Variants in OPRM1 observed in about 807,000 individuals in gnomAD.
OPRM1 encodes the protein opioid receptor mu 1, also known as mu-type opioid receptor.
In OPRM1, 27 loss-of-function variants were observed where a neutral mutation model predicts 31.8. That is an observed-to-expected ratio of 0.85 (90% CI 0.63 to 1.17). OPRM1 has a LOEUF of 1.17. OPRM1 is among the 50% of genes most tolerant of loss of function. The probability of loss-of-function intolerance (pLI) is 0.00; values close to 1 mark genes in which losing one functional copy is unlikely to be tolerated. For synonymous variants in OPRM1, 196 were observed against 189.9 expected, an observed-to-expected ratio of 1.03 and a Z score of -0.26; for missense variants, 536 against 511.1, an observed-to-expected ratio of 1.05 and a Z score of -0.47.
chr6:154,107,911 T>C, intron 3 of OPRM1: 1 of 660,602 alleles, frequency 1.5e-6, no homozygotes, highest in Non-Finnish European at 2.7e-6. Flanking sequence ...TGAATTATTT[T>C]TCACATTAAT....
chr6:154,190,005 T>C (rs1373557569), intron 3 of OPRM1, among the ~76,000 whole-genome samples: 1 of 152,056 alleles, frequency 6.6e-6, no homozygotes, highest in Non-Finnish European at 1.5e-5. Context: ...ATGTCAATTA[T>C]AGGTAAGAAA....
rs184843552 is a variant in OPRM1 at position 154,106,291 on chromosome 6, T to C, written c.1165-12392T>C. Among the ~76,000 whole-genome samples the C allele has an allele frequency of 3.3e-5, 5 of 152,378 alleles. No homozygotes were observed. In the East Asian group the frequency reaches 9.6e-4, roughly 29 times the overall value. On this transcript the variant is annotated intron_variant, in intron 3 of 3. Transcript: ENST00000330432. ...TAATTACATGTGATAATGTTAACTC[T>C]TAGCAACTTCTATTTTTGATGAAAA... is the stretch of plus-strand genomic sequence containing the variant.
chr6:154,100,033 T>TTATCATATGATATA (rs1420211465), intron 3 of OPRM1, among the ~76,000 whole-genome samples: 17 of 78,304 alleles, frequency 2.2e-4, no homozygotes, highest in African/African-American at 6.3e-4. Flanking sequence ...ATATTATATA[T>TTATCATATGATATA]TATCATATGA....
intron 3 of OPRM1, chr6:154,159,564 C>G (rs939746150): frequency 3.4e-5 from 16 of 475,358 alleles, no homozygotes; most frequent in Non-Finnish European, 5.5e-5. Context: ...TAGAGCCCCA[C>G]ATCACCGTGA....
Position 154,039,852 on chromosome 6 carries a change from G to A in OPRM1, c.290+18G>A, listed in dbSNP as rs377704466. ...ATTGTCAGGTAAGGAAAGCGCCAGG[G>A]CTCCGAGCGGAGGGTTCAGCGGCTT... On this transcript the variant is annotated intron_variant, in intron 1 of 3. Coordinates refer to ENST00000330432, the MANE Select transcript of OPRM1 (RefSeq NM_000914.5). 6.4e-7 allele frequency: 1 copy of A among 1,556,956 alleles called. No individual in the cohort carries two copies. Among genetic ancestry groups the A allele is most frequent in the East Asian group, 2.3e-5 (1 of 44,292 alleles).
At chr6:154,087,987 A>G (rs766088970) in intron 1 of OPRM1, among the ~76,000 whole-genome samples, 1 of 152,174 alleles carries the variant, frequency 6.6e-6, no homozygotes, top group Non-Finnish European at 1.5e-5. Flanking sequence ...GAAGAAAAGC[A>G]TATGTTTATA....
In OPRM1 at chr6:154,100,077, C is replaced by CATATTATATATTATCATATTATGATATAT. The variant is rs1562471919; in HGVS notation, c.1164+8630_1164+8658dup. 4.2e-4 allele frequency among the ~76,000 whole-genome samples: 49 copies of CATATTATATATTATCATATTATGATATAT among 117,210 alleles called. 4 individuals carry two copies. In the East Asian group the frequency reaches 8.9e-3, roughly 21 times the overall value. 76.9% of individuals were successfully genotyped at this position (117,210 alleles called of 152,430 possible). ...ATATGATATATATCATGATATATAT[C>CATATTATATATTATCATATTATGATATAT]ATATTATATATTATCATATTATGAT... On this transcript the variant is annotated intron_variant, in intron 3 of 3. Transcript: ENST00000330432.
intron 1 of OPRM1, among the ~76,000 whole-genome samples, chr6:154,070,407 C>T (rs1410299829): frequency 1.3e-5 from 2 of 152,202 alleles, no homozygotes; most frequent in Non-Finnish European, 2.9e-5. Flanking sequence ...GAGACAGATT[C>T]TTGATGCTTC....
At chr6:154,107,652 C>A (rs1795793683) in intron 3 of OPRM1, 6 of 718,338 alleles carry the variant, frequency 8.4e-6, no homozygotes, top group Non-Finnish European at 1.6e-5. Flanking sequence ...TTCCTGTTCC[C>A]TTGAAGGTGG....
chr6:154,214,420 G>A (rs963205473), intron 3 of OPRM1: 21 of 688,390 alleles, frequency 3.1e-5, no homozygotes, highest in Non-Finnish European at 4.5e-5. Flanking sequence ...TTGTGCCATC[G>A]AAACCTAAGG....
chr6:154,050,402 T>C (rs1414124245), intron 1 of OPRM1, among the ~76,000 whole-genome samples: 2 of 152,160 alleles, frequency 1.3e-5, no homozygotes, highest in Admixed American at 6.6e-5. Flanking sequence ...CACAATGGTA[T>C]ACTACTATTC....
intron 3 of OPRM1, among the ~76,000 whole-genome samples, chr6:154,183,322 T>C (rs1801061362): frequency 6.6e-6 from 1 of 152,190 alleles, no homozygotes; most frequent in African/African-American, 2.4e-5. Context: ...CTTATCGCTA[T>C]GACTATTATC....
intron 3 of OPRM1, among the ~76,000 whole-genome samples, chr6:154,192,318 CTGTGTGTGTGTG>C (rs56231733): frequency 1.4e-4 from 21 of 148,134 alleles, no homozygotes; most frequent in African/African-American, 5.0e-4. Context: ...CACGTGGTTA[CTGTGTGTGTGTG>C]TGTGTGTGTG....
At chr6:154,209,282 C>T (rs1023039070) in intron 3 of OPRM1, among the ~76,000 whole-genome samples, 4 of 152,064 alleles carry the variant, frequency 2.6e-5, no homozygotes, top group South Asian at 4.1e-4. Flanking sequence ...AATATTTTTG[C>T]CCCTAGGCTT....
chr6:154,204,080 A>G (rs982386208), intron 3 of OPRM1, among the ~76,000 whole-genome samples: 2 of 152,216 alleles, frequency 1.3e-5, no homozygotes, highest in African/African-American at 4.8e-5. Flanking sequence ...TATTTAAATG[A>G]GGAAGTTAAA....
chr6:154,189,095 A>G (rs1164101031), intron 3 of OPRM1, among the ~76,000 whole-genome samples: 1 of 152,250 alleles, frequency 6.6e-6, no homozygotes, highest in African/African-American at 2.4e-5. Flanking sequence ...AGTATCCAGA[A>G]TGTATACATT....
chr6:154,041,704 T>C (rs377174591), intron 1 of OPRM1, among the ~76,000 whole-genome samples: 13 of 152,138 alleles, frequency 8.5e-5, no homozygotes, highest in East Asian at 7.7e-4. Flanking sequence ...AGTGGGTTGA[T>C]ATAGCAATAA....
intron 3 of OPRM1, chr6:154,093,577 T>A: frequency 6.7e-7 from 1 of 1,500,832 alleles, no homozygotes; most frequent in African/African-American, 1.4e-5. Context: ...CTGTTCCAAG[T>A]AACTAAAAGG....
intron 1 of OPRM1, among the ~76,000 whole-genome samples, chr6:154,054,212 A>G (rs1029105099): frequency 6.6e-6 from 1 of 151,984 alleles, no homozygotes; most frequent in African/African-American, 2.4e-5. Flanking sequence ...TACTAAAAAT[A>G]CAAAAAATTA....
Sources: gnomAD v4.1 joint callset for allele counts (sites outside exome capture counted in the v4.1 genomes callset) on GRCh38, gnomAD v4.1.1 for gene constraint, MANE v1.5 for transcripts, NCBI Gene and HGNC (gene_info 2026-07-23, HGNC 2026-07-21) for gene names.